The following CTIF variants were observed in gnomAD, a reference collection of about 807,000 sequenced individuals.
CTIF encodes cap binding complex dependent translation initiation factor.
In CTIF, 21 loss-of-function variants were observed where a neutral mutation model predicts 66.0. That is an observed-to-expected ratio of 0.32 (90% CI 0.23 to 0.46). The LOEUF is 0.46. Ranked by LOEUF, CTIF falls within the 20% of genes least tolerant of loss-of-function variation. CTIF has a pLI of 1.00. For synonymous variants in CTIF, 345 were observed against 326.4 expected (o/e 1.06, Z -0.62); for missense variants, 739 against 812.7 (o/e 0.91, Z 1.10).
chr18:48,828,373 T>G (rs1037775646), intron 10 of CTIF, among the ~76,000 whole-genome samples: 1 of 152,176 alleles, frequency 6.6e-6, no homozygotes, highest in African/African-American at 2.4e-5. Flanking sequence ...CACGGGGGAA[T>G]TAACTAGCCT....
At chr18:48,849,443 C>G (rs2069149922) in intron 10 of CTIF, among the ~76,000 whole-genome samples, 1 of 151,842 alleles carries the variant, frequency 6.6e-6, no homozygotes, top group Admixed American at 6.6e-5. Flanking sequence ...AGTGATCCAC[C>G]CACCTTGGCC....
chr18:48,712,995 A>G (rs2092243498), intron 7 of CTIF, among the ~76,000 whole-genome samples: 1 of 152,254 alleles, frequency 6.6e-6, no homozygotes, highest in Admixed American at 6.5e-5. Flanking sequence ...AGCACCAGGC[A>G]TCAAAAAGGA....
intron 2 of CTIF, among the ~76,000 whole-genome samples, chr18:48,627,957 G>A (rs2090632842): frequency 6.6e-6 from 1 of 152,094 alleles, no homozygotes; most frequent in South Asian, 2.1e-4. Flanking sequence ...GGCTATGGTA[G>A]GGGGTCAGCA....
intron 9 of CTIF, among the ~76,000 whole-genome samples, chr18:48,766,059 C>A (rs1211723470): frequency 6.7e-6 from 1 of 150,136 alleles, no homozygotes; most frequent in Non-Finnish European, 1.5e-5. Flanking sequence ...CCCATTAACT[C>A]GTCATTTAAC....
intron 1 of CTIF, among the ~76,000 whole-genome samples, chr18:48,569,825 GC>G (rs930390819): frequency 2.6e-5 from 4 of 152,186 alleles, no homozygotes; most frequent in Admixed American, 6.5e-5. Flanking sequence ...CCAGCCCCTG[GC>G]CCCCTGCCTG....
chr18:48,648,303 C>A (rs1026103861), intron 3 of CTIF, among the ~76,000 whole-genome samples: 5 of 152,104 alleles, frequency 3.3e-5, no homozygotes, highest in Admixed American at 6.5e-5. Context: ...ACACAGATGT[C>A]CCAGCATGAA....
At chr18:48,721,565 G>T (rs936447591) in intron 7 of CTIF, among the ~76,000 whole-genome samples, 11 of 152,220 alleles carry the variant, frequency 7.2e-5, no homozygotes, top group African/African-American at 2.4e-4. Context: ...AGGCTCACTG[G>T]CTTCAAGACG....
intron 7 of CTIF, among the ~76,000 whole-genome samples, chr18:48,744,349 C>T (rs2092578351): frequency 6.6e-6 from 1 of 152,182 alleles, no homozygotes; most frequent in Non-Finnish European, 1.5e-5. Context: ...AAAATTGCCA[C>T]CAAGCCTTTG....
chr18:48,849,060 C>G (rs916265752), intron 10 of CTIF, among the ~76,000 whole-genome samples: 4 of 152,192 alleles, frequency 2.6e-5, no homozygotes, highest in Non-Finnish European at 4.4e-5. Flanking sequence ...GCTCCTCCCC[C>G]GACCCCAGGG....
At chr18:48,716,336 AG>A (rs1256421117) in intron 7 of CTIF, among the ~76,000 whole-genome samples, 1 of 152,226 alleles carries the variant, frequency 6.6e-6, no homozygotes, top group Non-Finnish European at 1.5e-5. Context: ...GGAGGCTTAG[AG>A]AAAGCAGCCA....
rs1282424189 is a variant in CTIF, at chr18:48,730,690, C to CTT, written c.584+18995_584+18996insTT. 2.5e-4 allele frequency among the ~76,000 whole-genome samples: 37 copies of CTT among 146,900 alleles called. 2 individuals carry two copies. Among genetic ancestry groups the CTT allele is most frequent in the East Asian group, 1.7e-3 (8 of 4,824 alleles). On this transcript the variant is annotated intron_variant, in intron 7 of 11. Coordinates refer to ENST00000256413, the MANE Select transcript of CTIF (RefSeq NM_014772.3). ...TGAGGGGCTTCTGCGGTGTGAGGAGCCCCTGAGGTGTGAGGGGCTTCCGCG... is the reference window on the plus strand; with the variant it reads ...TGAGGGGCTTCTGCGGTGTGAGGAGCTTCCCTGAGGTGTGAGGGGCTTCCGCG...
chr18:48,561,271 A>C (rs955445053), intron 1 of CTIF, among the ~76,000 whole-genome samples: 2 of 151,780 alleles, frequency 1.3e-5, no homozygotes, highest in Non-Finnish European at 2.9e-5. Flanking sequence ...GTTTATAAAA[A>C]CTTGCTTGTA....
At position 48,787,934 on chromosome 18, in the gene CTIF, C is replaced by T. The variant is rs554701991; in HGVS notation, c.1371+26245C>T. Among the ~76,000 whole-genome samples the T allele has an allele frequency of 2.1e-4, 32 of 152,338 alleles. No individual in the cohort carries two copies. The South Asian group carries it at 6.2e-3, about 30-fold the overall frequency. On this transcript the variant is annotated intron_variant, in intron 9 of 11. Transcript: ENST00000256413. ...CAAGGGTTGGAGGTCTGGCAGTCCT[C>T]TGCGTTTGGTGTCTGTCCTGATTGT...
intron 1 of CTIF, among the ~76,000 whole-genome samples, chr18:48,590,486 A>G (rs1234243517): frequency 1.3e-5 from 2 of 152,252 alleles, no homozygotes; most frequent in African/African-American, 2.4e-5. Flanking sequence ...GACATAGTCC[A>G]GTGCACCCTT....
intron 9 of CTIF, among the ~76,000 whole-genome samples, chr18:48,811,577 G>T (rs1477022644): frequency 1.3e-5 from 2 of 152,066 alleles, no homozygotes; most frequent in African/African-American, 4.8e-5. Flanking sequence ...CTGCTCCCCA[G>T]CTCCTTGTAA....
At chr18:48,581,607 G>T (rs1025088988) in intron 1 of CTIF, among the ~76,000 whole-genome samples, 13 of 152,250 alleles carry the variant, frequency 8.5e-5, no homozygotes, top group African/African-American at 3.1e-4. Context: ...AGATGTCTGG[G>T]AGAAGGGTCC....
chr18:48,763,157 C>T (rs1184463115), intron 9 of CTIF, among the ~76,000 whole-genome samples: 1 of 152,180 alleles, frequency 6.6e-6, no homozygotes, highest in Non-Finnish European at 1.5e-5. Flanking sequence ...TCAGGGACAG[C>T]ATCAGCCTAT....
At chr18:48,656,156 A>C (rs996223756) in intron 3 of CTIF, among the ~76,000 whole-genome samples, 14 of 152,228 alleles carry the variant, frequency 9.2e-5, no homozygotes, top group African/African-American at 3.4e-4. Context: ...ATTAACAAAG[A>C]TAGGTGTGGA....
chr18:48,576,361 A>G (rs937558757), intron 1 of CTIF, among the ~76,000 whole-genome samples: 15 of 152,232 alleles, frequency 9.9e-5, no homozygotes, highest in African/African-American at 3.6e-4. Context: ...AATTTGCGGT[A>G]GCTGGGGAAG....
Sources: gnomAD v4.1 joint callset for allele counts (sites outside exome capture counted in the v4.1 genomes callset) on GRCh38, gnomAD v4.1.1 for gene constraint, MANE v1.5 for transcripts, NCBI Gene and HGNC (gene_info 2026-07-23, HGNC 2026-07-21) for gene names.